NTRK1: variants seen among roughly 807,000 people sequenced by gnomAD.
NTRK1 encodes the protein neurotrophic receptor tyrosine kinase 1.
NTRK1 carries 62 observed loss-of-function variants against 86.8 expected under a neutral mutation model. The observed-to-expected ratio is 0.71, with a 90% CI of 0.58 to 0.88. The LOEUF (loss-of-function observed/expected upper bound fraction) is 0.88. NTRK1 is among the 40% of genes least tolerant of loss of function. The pLI is 0.00. For synonymous variants in NTRK1, 469 were observed against 456.6 expected, an observed-to-expected ratio of 1.03 and a Z score of -0.35; for missense variants, 967 against 1,078.4, an observed-to-expected ratio of 0.90 and a Z score of 1.45.
At chr1:156,816,827 C>T (rs1370871248) in intron 1 of NTRK1, 1 of 937,228 alleles carries the variant, frequency 1.1e-6, no homozygotes, top group Non-Finnish European at 1.5e-6. Context: ...GGAAATGTCG[C>T]CTTACCCACA....
At position 156,854,521 on chromosome 1, in the gene NTRK1, C is replaced by T. The variant is rs1655343795; in HGVS notation, c.51-9833C>T. On this transcript the variant is annotated intron_variant, in intron 2 of 16. Transcript: ENST00000392302. The surrounding 1 kb of genome is among the most constrained non-coding windows in gnomAD (Gnocchi z 4.2). Reference sequence around the variant, plus strand: ...TGAGCCACACAGGCAAAAATGAACTCCTGATCCTCTCTCCCAAGCCCATCT... The same window carrying T: ...TGAGCCACACAGGCAAAAATGAACTTCTGATCCTCTCTCCCAAGCCCATCT... Among the ~76,000 whole-genome samples, 1 of 152,154 alleles carries T rather than the reference C, an allele frequency of 6.6e-6. No homozygotes were observed. Among genetic ancestry groups the T allele is most frequent in the African/African-American group, 2.4e-5 (1 of 41,436 alleles).
intron 2 of NTRK1, among the ~76,000 whole-genome samples, chr1:156,855,210 A>ATCTATCTATCTATCTATCTATCTG (rs1307766427): frequency 6.6e-6 from 1 of 151,254 alleles, no homozygotes; most frequent in African/African-American, 2.4e-5. Flanking sequence ...CTATCTATCT[A>ATCTATCTATCTATCTATCTATCTG]TTTATTTATT....
intron 2 of NTRK1, chr1:156,844,757 G>T: frequency 6.2e-7 from 1 of 1,614,158 alleles, no homozygotes; most frequent in Non-Finnish European, 8.5e-7. Flanking sequence ...AGTCCGTTGG[G>T]GTCTGGTGGC....
At chr1:156,867,666 CTTTTCT>C (rs767061870) in intron 4 of NTRK1, among the ~76,000 whole-genome samples, 7 of 148,928 alleles carry the variant, frequency 4.7e-5, no homozygotes, top group African/African-American at 1.7e-4. Context: ...CTTTTCTTTT[CTTTTCT>C]TTTTTTTTTT....
rs368759749 is a variant in NTRK1, at chr1:156,830,004, G to A, written c.-63-12077G>A. 3.7e-4 allele frequency among the ~76,000 whole-genome samples: 56 copies of A among 152,322 alleles called. 1 individual carries two copies. The South Asian group carries it at 0.011, about 31-fold the overall frequency. On this transcript the variant is annotated intron_variant, in intron 1 of 16. Coordinates refer to the NTRK1 transcript ENST00000392302. ...GCCAAACAAGGAGAGCAGTGAGTCT[G>A]ATTGTTAGCATTCAATCACCTGATT...
chr1:156,854,118 G>A lies in NTRK1; in HGVS notation c.51-10236G>A, dbSNP rs757938422. ...GGGAAGAGGTCGCGCAGGCTCTCCA[G>A]TCCGTAGACACGGAAGAGCAGCAGG... On this transcript the variant is annotated intron_variant, in intron 2 of 16. Transcript: ENST00000392302. This position sits in a 1 kb window ranked among gnomAD's most constrained non-coding sequence, Gnocchi z 4.2. 2 of 1,614,156 alleles carry A rather than the reference G, an allele frequency of 1.2e-6. No individual in the cohort carries two copies. Among genetic ancestry groups the A allele is most frequent in the Non-Finnish European group, 1.7e-6 (2 of 1,180,048 alleles).
upstream of NTRK1, among the ~76,000 whole-genome samples, chr1:156,856,556 A>G (rs74118781): frequency 5.8e-3 from 886 of 152,092 alleles, 9 homozygotes; most frequent in African/African-American, 0.021. Context: ...TTCTTCCCTG[A>G]CCCTCTGGCC....
At chr1:156,832,442 G>A (rs150462443) in intron 1 of NTRK1, among the ~76,000 whole-genome samples, 16 of 152,308 alleles carry the variant, frequency 1.1e-4, no homozygotes, top group African/African-American at 3.9e-4. Flanking sequence ...GGATGAGATT[G>A]CAAGGGGAAG....
chr1:156,821,200 A>C (rs1459793542), intron 1 of NTRK1, among the ~76,000 whole-genome samples: 3 of 151,558 alleles, frequency 2.0e-5, no homozygotes, highest in Non-Finnish European at 4.4e-5. Flanking sequence ...GTATCCTAAG[A>C]CTTTACTGAA....
At chr1:156,868,047 C>A in intron 4 of NTRK1, 57 bp from the exon 5 acceptor site, 2 of 1,603,622 alleles carry the variant, frequency 1.2e-6, no homozygotes, top group Non-Finnish European at 1.7e-6. Flanking sequence ...CCCTCTTATC[C>A]CCTGTGATCC....
At chr1:156,844,781 G>A (rs1303488843) in intron 2 of NTRK1, 1 of 1,614,180 alleles carries the variant, frequency 6.2e-7, no homozygotes, top group South Asian at 1.1e-5. Flanking sequence ...AGCCAGCGCA[G>A]AAGGACACTG....
chr1:156,872,496 ATTATAT>A lies in NTRK1; in HGVS notation c.850+747_850+752del, dbSNP rs201922140. Among the ~76,000 whole-genome samples, 1,068 of 152,216 alleles carry A rather than the reference ATTATAT, an allele frequency of 7.0e-3. 5 individuals carry two copies. The highest frequency in any genetic ancestry group is 0.011 in the Non-Finnish European group (748 of 68,022). On this transcript the variant is annotated intron_variant, in intron 7 of 16. Coordinates refer to ENST00000524377, the MANE Select transcript of NTRK1 (RefSeq NM_002529.4). ...TTGTATCTGGTTTCTTTCATTCAAC[ATTATAT>A]TTATAAGATTCATTCATGTTAATGG... is the stretch of plus-strand genomic sequence containing the variant.
upstream of NTRK1, chr1:156,858,808 A>C: frequency 1.6e-6 from 1 of 607,706 alleles, no homozygotes; most frequent in Non-Finnish European, 2.9e-6. Context: ...AGTCACAGAG[A>C]CACAAAGACA....
intron 1 of NTRK1, among the ~76,000 whole-genome samples, chr1:156,861,821 T>G (rs962246926): frequency 5.9e-5 from 9 of 152,200 alleles, no homozygotes; most frequent in African/African-American, 2.2e-4. Context: ...GGGCCCTTGC[T>G]GAGAGACCCT....
At chr1:156,840,888 C>T (rs1385424051) in intron 1 of NTRK1, 5 of 1,613,406 alleles carry the variant, frequency 3.1e-6, no homozygotes, top group Non-Finnish European at 4.2e-6. Context: ...GCCCTGGACC[C>T]CCATTTTGAG....
chr1:156,873,018 AGTGTGTGTGTGTGT>A (rs55870362), intron 7 of NTRK1, among the ~76,000 whole-genome samples: 8 of 130,952 alleles, frequency 6.1e-5, no homozygotes, highest in Middle Eastern at 3.7e-3. Flanking sequence ...TTTCAAAAAG[AGTGTGTGTGTGTGT>A]GTGTGTGTGT....
intron 4 of NTRK1, 143 bp downstream of exon 4, chr1:156,867,121 AC>A: frequency 1.2e-6 from 1 of 864,972 alleles, no homozygotes; most frequent in Non-Finnish European, 1.9e-6. Flanking sequence ...TGCCAGTGAA[AC>A]CCCCATCAAA....
chr1:156,848,074 G>A (rs768159536), intron 2 of NTRK1, among the ~76,000 whole-genome samples: 20 of 152,050 alleles, frequency 1.3e-4, no homozygotes, highest in Non-Finnish European at 2.6e-4. Flanking sequence ...AGTGGGGGGC[G>A]AGGCCCAGGA....
chr1:156,861,094 G>A lies in NTRK1; in HGVS notation c.160G>A (p.Gly54Arg), dbSNP rs765257361. 6.3e-7 allele frequency: 1 copy of A among 1,584,694 alleles called. No homozygotes were observed. The highest frequency in any genetic ancestry group is 1.1e-5 in the South Asian group (1 of 88,000). ...CTCGGGACTGCGATGCACCCGGGAT[G>A]GGGCCCTGGATAGCCTCCACCACCT... is the stretch of plus-strand genomic sequence containing the variant. The part of the protein sequence containing the change: ...GSSGLRCTRD[G>R]ALDSLHHLPG... The change falls in exon 1 of 17, where the codon GGG becomes AGG. Residue 54 changes from glycine to arginine, a missense_variant. Physicochemically the swap from Gly to Arg is moderately radical, Grantham distance 125 (BLOSUM62 -2). Transcript: ENST00000524377.
Sources: allele counts gnomAD v4.1 joint callset (sites outside exome capture counted in the v4.1 genomes callset), GRCh38; gene constraint gnomAD v4.1.1; non-coding constraint Gnocchi (gnomAD v3.1); transcripts MANE v1.5; gene names NCBI Gene and HGNC (gene_info 2026-07-23, HGNC 2026-07-21).